The following CGGBP1 variants were observed in gnomAD, a reference collection of about 807,000 sequenced individuals.
CGGBP1 encodes the protein CGG triplet repeat binding protein 1, also known as CGG triplet repeat-binding protein 1.
A neutral mutation model predicts 11.4 loss-of-function variants in CGGBP1; 4 were observed. The observed-to-expected ratio is 0.35, with a 90% CI of 0.17 to 0.80. The LOEUF (loss-of-function observed/expected upper bound fraction) is 0.80. Among genes scored for constraint, CGGBP1 ranks in the 30% least tolerant of loss-of-function variants. The pLI, the probability that CGGBP1 is intolerant of heterozygous loss-of-function variation, is 0.52. For synonymous variants in CGGBP1, 76 were observed against 74.1 expected, an observed-to-expected ratio of 1.03 and a Z score of -0.13; for missense variants, 135 against 202.1, an observed-to-expected ratio of 0.67 and a Z score of 2.01.
At chr3:88,107,193 T>G (rs1704795494) in intron 2 of CGGBP1, among the ~76,000 whole-genome samples, 1 of 152,194 alleles carries the variant, frequency 6.6e-6, no homozygotes, top group Non-Finnish European at 1.5e-5. Context: ...TTTATATACT[T>G]TATCTTCCTC....
intron 2 of CGGBP1, among the ~76,000 whole-genome samples, chr3:88,120,518 A>G (rs1653404308): frequency 6.6e-6 from 1 of 152,160 alleles, no homozygotes; most frequent in South Asian, 2.1e-4. Context: ...GCAAGGAAGA[A>G]GCAAATCAGG....
At chr3:88,100,605 A>G (rs564021272) in intron 2 of CGGBP1, among the ~76,000 whole-genome samples, 1 of 152,372 alleles carries the variant, frequency 6.6e-6, no homozygotes, top group East Asian at 1.9e-4. Flanking sequence ...TGTGGCACAT[A>G]TACACCATGG....
chr3:88,103,913 C>T (rs1414447942), intron 2 of CGGBP1, among the ~76,000 whole-genome samples: 1 of 151,664 alleles, frequency 6.6e-6, no homozygotes, highest in Non-Finnish European at 1.5e-5. Context: ...ATTACAGGTG[C>T]CCGCCCCTAT....
chr3:88,078,989 T>C (rs923518837), intron 2 of CGGBP1, among the ~76,000 whole-genome samples: 3 of 152,086 alleles, frequency 2.0e-5, no homozygotes, highest in Non-Finnish European at 4.4e-5. Flanking sequence ...GAAAAGCTAA[T>C]GTATTGGCTA....
chr3:88,090,206 C>G (rs4616670), intron 2 of CGGBP1, among the ~76,000 whole-genome samples: 119,143 of 152,044 alleles, frequency 0.78, 47,600 homozygotes, highest in South Asian at 0.91. Flanking sequence ...TGAAGGCATT[C>G]CAGAAAAAGA....
intron 2 of CGGBP1, among the ~76,000 whole-genome samples, chr3:88,109,142 AGT>A (rs35595112): frequency 0.049 from 7,006 of 142,448 alleles, 404 homozygotes; most frequent in African/African-American, 0.15. Flanking sequence ...AGTGGGCACT[AGT>A]GTGTGTGTGT....
At chr3:88,140,059 A>G (rs752298751) in intron 2 of CGGBP1, 19 of 1,613,678 alleles carry the variant, frequency 1.2e-5, no homozygotes, top group Non-Finnish European at 1.6e-5. Context: ...AGGCAATTTG[A>G]AGATTCTCAA....
chr3:88,082,080 G>A (rs1277824218), intron 2 of CGGBP1, among the ~76,000 whole-genome samples: 5 of 151,848 alleles, frequency 3.3e-5, no homozygotes, highest in African/African-American at 1.2e-4. Context: ...ATTCTTTGAC[G>A]CCCCTAAAAT....
At chr3:88,129,066 C>T (rs563906302) in intron 2 of CGGBP1, 2 of 1,250,100 alleles carry the variant, frequency 1.6e-6, no homozygotes, top group Non-Finnish European at 2.1e-6. Context: ...CAAAAAAAAA[C>T]CAAAAAAAAA....
intron 2 of CGGBP1, among the ~76,000 whole-genome samples, chr3:88,089,978 T>C (rs979240288): frequency 4.6e-5 from 7 of 152,228 alleles, no homozygotes; most frequent in African/African-American, 1.7e-4. Context: ...CAACACATTA[T>C]TCATGCTTGT....
chr3:88,094,706 G>A (rs1367156569), intron 2 of CGGBP1, among the ~76,000 whole-genome samples: 1 of 152,090 alleles, frequency 6.6e-6, no homozygotes, highest in East Asian at 1.9e-4. Flanking sequence ...TATGAATGGT[G>A]TAAGTACATT....
At chr3:88,082,532 T>C (rs1392142484) in intron 2 of CGGBP1, among the ~76,000 whole-genome samples, 4 of 152,174 alleles carry the variant, frequency 2.6e-5, no homozygotes, top group Non-Finnish European at 4.4e-5. Flanking sequence ...TTTGAGGTAA[T>C]GAAAGTTGAT....
At chr3:88,088,326 G>GA (rs1289073649) in intron 2 of CGGBP1, among the ~76,000 whole-genome samples, 3 of 151,926 alleles carry the variant, frequency 2.0e-5, no homozygotes, top group African/African-American at 7.3e-5. Flanking sequence ...CCTTCAATAT[G>GA]AAAAAATGCA....
At chr3:88,139,431 C>G (rs1706985774) in intron 2 of CGGBP1, 2 of 1,613,684 alleles carry the variant, frequency 1.2e-6, no homozygotes, top group Middle Eastern at 1.6e-4. Context: ...AGGACTTATG[C>G]AGAAGCATTT....
chr3:88,096,516 G>T (rs760564820), intron 2 of CGGBP1, among the ~76,000 whole-genome samples: 20 of 152,050 alleles, frequency 1.3e-4, no homozygotes, highest in Non-Finnish European at 2.6e-4. Context: ...AGAACCCAAA[G>T]ACCTTTGTTT....
chr3:88,141,246 A>G (rs1264858402), intron 1 of CGGBP1, among the ~76,000 whole-genome samples: 2 of 152,110 alleles, frequency 1.3e-5, no homozygotes, highest in Non-Finnish European at 2.9e-5. Context: ...AGATCAAGCA[A>G]CTGAAATTCA....
intron 2 of CGGBP1, chr3:88,139,729 A>G (rs1167433593): frequency 3.2e-6 from 5 of 1,559,086 alleles, no homozygotes; most frequent in East Asian, 2.4e-5. Flanking sequence ...AATTCTTTAA[A>G]TAATGTTTTC....
At chr3:88,100,769 T>C (rs562048214) in intron 2 of CGGBP1, among the ~76,000 whole-genome samples, 100 of 151,920 alleles carry the variant, frequency 6.6e-4, no homozygotes, top group African/African-American at 2.3e-3. Context: ...ATGAGAACAC[T>C]TGGACACAGG....
At chr3:88,095,935 A>C in intron 2 of CGGBP1, 1 of 364,964 alleles carries the variant, frequency 2.7e-6, no homozygotes, top group Non-Finnish European at 5.1e-6. Flanking sequence ...TCATTCTCTG[A>C]TGAAATGTTA....
Sources: gnomAD v4.1 joint callset for allele counts (sites outside exome capture counted in the v4.1 genomes callset) on GRCh38, gnomAD v4.1.1 for gene constraint, MANE v1.5 for transcripts, NCBI Gene and HGNC (gene_info 2026-07-23, HGNC 2026-07-21) for gene names.